Variants in ATXN7 observed in about 807,000 individuals in gnomAD.
The protein encoded by ATXN7 is ataxin-7.
ATXN7 carries 12 observed loss-of-function variants against 70.5 expected under a neutral mutation model. The observed-to-expected ratio is 0.17, with a 90% CI of 0.11 to 0.28. The LOEUF (loss-of-function observed/expected upper bound fraction) is 0.28. Ranked by LOEUF, ATXN7 falls within the 10% of genes least tolerant of loss-of-function variation. The pLI is 1.00. For synonymous variants in ATXN7, 498 were observed against 448.7 expected, an observed-to-expected ratio of 1.11 and a Z score of -1.39; for missense variants, 1,256 against 1,131.7, an observed-to-expected ratio of 1.11 and a Z score of -1.58.
chr3:63,899,616 T>C (rs1287512738), intron 2 of ATXN7, among the ~76,000 whole-genome samples: 1 of 151,926 alleles, frequency 6.6e-6, no homozygotes, highest in African/African-American at 2.4e-5. Flanking sequence ...CTAGAAATTT[T>C]TTTTTTCTTT....
intron 1 of ATXN7, among the ~76,000 whole-genome samples, chr3:63,879,660 GT>G (rs1443141630): frequency 9.9e-5 from 15 of 151,498 alleles, no homozygotes; most frequent in Non-Finnish European, 2.2e-4. Context: ...CCCAGCTAAT[GT>G]TTGTATTTTT....
At chr3:63,983,092 C>T (rs2075516869) in intron 8 of ATXN7, 71 bp downstream of exon 8, 2 of 1,181,946 alleles carry the variant, frequency 1.7e-6, no homozygotes, top group East Asian at 2.3e-5. Flanking sequence ...CCACACTACT[C>T]CCACAGTCTC....
At chr3:63,897,643 A>G (rs1181419719) in intron 1 of ATXN7, among the ~76,000 whole-genome samples, 6 of 152,180 alleles carry the variant, frequency 3.9e-5, no homozygotes, top group Admixed American at 3.9e-4. Flanking sequence ...TGAATTTTTC[A>G]TGTGAGCTCA....
intron 12 of ATXN7, chr3:63,997,895 C>T: frequency 1.0e-6 from 1 of 985,366 alleles, no homozygotes; most frequent in Non-Finnish European, 1.2e-6. Context: ...TAGCTGCATG[C>T]ATTATGGGTT....
chr3:63,979,209 T>G (rs904856121), intron 5 of ATXN7, among the ~76,000 whole-genome samples: 1 of 152,264 alleles, frequency 6.6e-6, no homozygotes, highest in African/African-American at 2.4e-5. Flanking sequence ...AATTACTTCC[T>G]GGTTTAAAAA....
intron 4 of ATXN7, among the ~76,000 whole-genome samples, chr3:63,917,376 T>C (rs1704323476): frequency 6.6e-6 from 1 of 152,220 alleles, no homozygotes. Context: ...GTTAACAAAA[T>C]TATGTTTAGA....
intron 2 of ATXN7, chr3:63,904,079 T>G (rs1208643749): frequency 6.6e-6 from 1 of 152,246 alleles, no homozygotes; most frequent in Admixed American, 6.5e-5. Context: ...ATCGCATTCC[T>G]AAGCAGTCAC....
At chr3:63,917,180 A>G (rs1704308495) in intron 4 of ATXN7, among the ~76,000 whole-genome samples, 1 of 152,158 alleles carries the variant, frequency 6.6e-6, no homozygotes, top group African/African-American at 2.4e-5. Context: ...TCGGCCTCCC[A>G]AAGTGTTGGG....
intron 4 of ATXN7, among the ~76,000 whole-genome samples, chr3:63,922,816 GA>G (rs1342863089): frequency 2.0e-5 from 3 of 151,988 alleles, no homozygotes. Context: ...GGTTTTAATG[GA>G]AAAAATTATT....
At chr3:63,989,187 G>A (rs886210304) in intron 9 of ATXN7, among the ~76,000 whole-genome samples, 1 of 152,184 alleles carries the variant, frequency 6.6e-6, no homozygotes, top group Non-Finnish European at 1.5e-5. Context: ...CAGTATGCTG[G>A]AGGAGCCATC....
intron 1 of ATXN7, among the ~76,000 whole-genome samples, chr3:63,889,502 A>G (rs1703191291): frequency 6.6e-6 from 1 of 152,204 alleles, no homozygotes. Context: ...TAAGTAGGAA[A>G]TGGAGTTCTA....
intron 5 of ATXN7, among the ~76,000 whole-genome samples, chr3:63,963,764 A>G (rs992294484): frequency 1.3e-5 from 2 of 152,246 alleles, no homozygotes; most frequent in Admixed American, 6.5e-5. Flanking sequence ...CTCTATGGAC[A>G]TTCATTTTGT....
At chr3:63,922,383 TG>T (rs1250149630) in intron 4 of ATXN7, among the ~76,000 whole-genome samples, 1 of 152,138 alleles carries the variant, frequency 6.6e-6, no homozygotes. Flanking sequence ...AAATGGGAAG[TG>T]GGAGGTGACA....
chr3:63,983,164 G>A (rs2075517843), intron 8 of ATXN7, 143 bp downstream of exon 8: 2 of 681,168 alleles, frequency 2.9e-6, no homozygotes, highest in Non-Finnish European at 5.1e-6. Flanking sequence ...GAATAACTTG[G>A]TTCTGTTGAA....
intron 2 of ATXN7, chr3:63,900,670 C>G (rs1002503526): frequency 1.3e-5 from 2 of 152,348 alleles, no homozygotes; most frequent in African/African-American, 2.4e-5. Flanking sequence ...CAGAGGAGCT[C>G]TTTAGTGCCT....
At chr3:63,979,478 A>G (rs76977725) in intron 5 of ATXN7, among the ~76,000 whole-genome samples, 3,747 of 152,320 alleles carry the variant, frequency 0.025, 86 homozygotes, top group African/African-American at 0.062. Flanking sequence ...AGATTTTGCT[A>G]TTTTGAAAAT....
At chr3:63,968,713 A>G (rs911972096) in intron 5 of ATXN7, among the ~76,000 whole-genome samples, 1 of 152,224 alleles carries the variant, frequency 6.6e-6, no homozygotes, top group African/African-American at 2.4e-5. Flanking sequence ...TAAGGTAGCC[A>G]GCAGAGCTAA....
At position 64,001,802 on chromosome 3, in the gene ATXN7, A is replaced by G. The variant is rs2075835740; in HGVS notation, c.*2335A>G. 6.6e-6 allele frequency: 1 copy of G among 152,212 alleles called. No homozygotes were observed. The highest frequency in any genetic ancestry group is 6.5e-5 in the Admixed American group (1 of 15,274). The allele number at this position is 152,212 out of a possible 1,614,324, so 9.4% of individuals were successfully genotyped here. On this transcript the variant is annotated 3_prime_UTR_variant, in exon 13 of 13. Coordinates refer to ENST00000674280, the MANE Select transcript of ATXN7 (RefSeq NM_001377405.1). ...CAAATATTTTATTTTCTCCTAAACT[A>G]CTTTTTATGGTGATGAATAATTAAG...
chr3:63,911,293 C>G (rs1704005301), intron 2 of ATXN7, among the ~76,000 whole-genome samples: 1 of 152,074 alleles, frequency 6.6e-6, no homozygotes, highest in Admixed American at 6.5e-5. Flanking sequence ...CATTAAGTAG[C>G]CTTTTATTTT....
Sources: allele counts gnomAD v4.1 joint callset (sites outside exome capture counted in the v4.1 genomes callset), GRCh38; gene constraint gnomAD v4.1.1; transcripts MANE v1.5; gene names NCBI Gene and HGNC (gene_info 2026-07-23, HGNC 2026-07-21).